MKS1: variants seen among roughly 807,000 people sequenced by gnomAD.
MKS1 encodes MKS transition zone complex subunit 1.
Under a neutral mutation model 83.7 loss-of-function variants are expected in MKS1, and 70 were observed. That is an observed-to-expected ratio of 0.84 (90% confidence interval 0.69 to 1.02). The LOEUF (loss-of-function observed/expected upper bound fraction) is 1.02, where lower values mean the gene tolerates loss of function less well. Among genes scored for constraint, MKS1 ranks in the 50% least tolerant of loss-of-function variants. The probability of loss-of-function intolerance (pLI) is 0.00; values close to 1 mark genes in which losing one functional copy is unlikely to be tolerated. For synonymous variants in MKS1, 251 were observed against 273.4 expected (o/e 0.92, Z 0.81); for missense variants, 681 against 726.9 (o/e 0.94, Z 0.73).
chr17:58,214,986 G>T (rs1014997692), intron 4 of MKS1, 148 bp from the exon 5 acceptor site: 1 of 1,291,398 alleles, frequency 7.7e-7, no homozygotes. Flanking sequence ...CTAACGGAGG[G>T]AGCAGTAGCC....
chr17:58,216,100 G>C lies in MKS1; in HGVS notation c.405C>G (p.Thr135=). 2.5e-6 allele frequency: 4 copies of C among 1,614,138 alleles called. No homozygotes were observed. The highest frequency in any genetic ancestry group is 3.4e-6 in the Non-Finnish European group (4 of 1,180,020). The change falls in exon 4 of 18, where the codon ACC becomes ACG. Residue 135 remains threonine, a synonymous_variant. Transcript: ENST00000393119. ...GAAAGAACAATACCTCCTCCAAATTGGTGTATCTATCAGAGTCAGTGTAGG... is the reference window on the plus strand; with the variant it reads ...GAAAGAACAATACCTCCTCCAAATTCGTGTATCTATCAGAGTCAGTGTAGG... ...IFTYTDSDRY[T]NLEEHCQRMT... is the part of the protein sequence containing the mutation.
At position 58,208,509 on chromosome 17, in the gene MKS1, A is replaced by G; in HGVS notation, c.1095+4T>C. 6.2e-7 allele frequency: 1 copy of G among 1,613,750 alleles called. No individual in the cohort carries two copies. The highest frequency in any genetic ancestry group is 8.5e-7 in the Non-Finnish European group (1 of 1,179,766). ...TTCCAGATACCCGCTCTCATTCTCC[A>G]TACCATTGCCAGGGACTTGGTGGTG... On this transcript the variant is annotated splice_donor_region_variant and intron_variant, in intron 12 of 17. Coordinates refer to ENST00000393119, the MANE Select transcript of MKS1 (RefSeq NM_017777.4).
chr17:58,205,942 G>T lies in MKS1; in HGVS notation c.*137C>A. ...TGCAGAAGGCTAGGCAGAGGGGCCAGCCGGGAATTTCCCAGCTTTTCTGGT... is the reference window on the plus strand; with the variant it reads ...TGCAGAAGGCTAGGCAGAGGGGCCATCCGGGAATTTCCCAGCTTTTCTGGT... On this transcript the variant is annotated 3_prime_UTR_variant, in exon 18 of 18. Transcript: ENST00000393119. The T allele has an allele frequency of 6.6e-7, 1 of 1,518,064 alleles. No individual in the cohort carries two copies. The highest frequency in any genetic ancestry group is 1.2e-5 in the South Asian group (1 of 81,046). 94.0% of individuals were successfully genotyped at this position (1,518,064 alleles called of 1,614,324 possible). A position where few individuals can be genotyped will look rare whatever the true frequency, so the allele number is the denominator to read the frequency against.
chr17:58,215,734 T>G, intron 4 of MKS1: 1 of 316,668 alleles, frequency 3.2e-6, no homozygotes, highest in East Asian at 7.2e-5. Flanking sequence ...AATCCCCTGA[T>G]GAATTTTATC....
At position 58,208,169 on chromosome 17, in the gene MKS1, C is replaced by G. The variant is rs1192776278; in HGVS notation, c.1101G>C (p.Lys367Asn). Residue 367 changes from lysine (K) to asparagine (N), a missense_variant, in exon 13 of 18, where the codon AAG becomes AAC. Coordinates refer to ENST00000393119, the MANE Select transcript of MKS1 (RefSeq NM_017777.4). ...TCTTKSLAMDKVAHFSYPFTF... is the reference protein window; with the variant it reads ...TCTTKSLAMDNVAHFSYPFTF... Reference sequence around the variant, plus strand: ...TGAATGGGTAGGAGAAGTGAGCCACCTTGTCCTATAAAAAGGAGTGTCATA... The same window carrying G: ...TGAATGGGTAGGAGAAGTGAGCCACGTTGTCCTATAAAAAGGAGTGTCATA... The G allele has an allele frequency of 6.2e-7, 1 of 1,612,186 alleles. No homozygotes were observed. Among genetic ancestry groups the G allele is most frequent in the Non-Finnish European group, 8.5e-7 (1 of 1,178,342 alleles).
At chr17:58,208,636 T>C (rs1301330511) in intron 11 of MKS1, 53 bp from the exon 12 acceptor site, 1 of 1,521,708 alleles carries the variant, frequency 6.6e-7, no homozygotes, top group Non-Finnish European at 9.1e-7. Flanking sequence ...AAGCAAGTCA[T>C]TCAGAAAAAG....
At chr17:58,210,611 G>C in intron 11 of MKS1, 48 bp downstream of exon 11, 1 of 1,545,186 alleles carries the variant, frequency 6.5e-7, no homozygotes, top group Non-Finnish European at 8.9e-7. Flanking sequence ...AATGCCTCTA[G>C]ATCTGTCTGA....
chr17:58,214,893 A>G, intron 4 of MKS1, 55 bp from the exon 5 acceptor site: 14 of 1,555,126 alleles, frequency 9.0e-6, no homozygotes, highest in Non-Finnish European at 1.2e-5. Context: ...ACATGGAGCC[A>G]AGTACCTGAA....
chr17:58,216,771 C>A, intron 2 of MKS1, 35 bp from the exon 3 acceptor site: 1 of 1,599,864 alleles, frequency 6.3e-7, no homozygotes, highest in Admixed American at 1.7e-5. Flanking sequence ...AATGCTTGAG[C>A]CAAACCAGCA....
chr17:58,209,984 G>C lies in MKS1; in HGVS notation c.1024+675C>G, dbSNP rs1205085056. Among the ~76,000 whole-genome samples, 1 of 152,198 alleles carries C rather than the reference G, an allele frequency of 6.6e-6. No individual in the cohort carries two copies. Among genetic ancestry groups the C allele is most frequent in the African/African-American group, 2.4e-5 (1 of 41,456 alleles). On this transcript the variant is annotated intron_variant, in intron 11 of 17. Coordinates refer to ENST00000393119, the MANE Select transcript of MKS1 (RefSeq NM_017777.4). The surrounding 1 kb of genome is among the most constrained non-coding windows in gnomAD (Gnocchi z 4.1). ...GAAGACAGAACGGACAGGAACTGTT[G>C]ACAGATTGGCTGGCTATAGGGAGCT...
In MKS1 at chr17:58,216,674, A is replaced by G. The variant is rs1969238311; in HGVS notation, c.253T>C (p.Phe85Leu). 1 of 1,614,202 alleles carries G rather than the reference A, an allele frequency of 6.2e-7. No homozygotes were observed. Among genetic ancestry groups the G allele is most frequent in the Non-Finnish European group, 8.5e-7 (1 of 1,180,022 alleles). Reference protein sequence around the residue: ...EIVIGWQEKLFSQFEVDLYQN... With the variant: ...EIVIGWQEKLLSQFEVDLYQN... Reference sequence around the variant, plus strand: ...AAGAGACACTGGCTCACCTGGCTAAAGAGCTTCTCCTGCCACCCAATCACA... The same window carrying G: ...AAGAGACACTGGCTCACCTGGCTAAGGAGCTTCTCCTGCCACCCAATCACA... Residue 85 changes from phenylalanine to leucine, a missense_variant, in exon 3 of 18, where the codon TTT becomes CTT. Around this residue, in one of 3 missense-constraint regions of MKS1, gnomAD observed 365 missense variants for 383.8 expected, o/e 0.95. Transcript: ENST00000393119.
chr17:58,212,489 T>A, intron 8 of MKS1, 55 bp from the exon 9 acceptor site: 1 of 1,581,668 alleles, frequency 6.3e-7, no homozygotes. Context: ...AGACCAAAGT[T>A]CAGTTCTGAA....
intron 5 of MKS1, among the ~76,000 whole-genome samples, 159 bp from the exon 6 acceptor site, chr17:58,214,546 CCT>C (rs1166251874): frequency 1.3e-5 from 2 of 152,108 alleles, no homozygotes; most frequent in African/African-American, 4.8e-5. Context: ...ACATCCCTTC[CCT>C]CTCTCTGAGG....
rs1376664664 is a variant in MKS1 at position 58,214,739 on chromosome 17, A to G, written c.515+2T>C. 26 of 1,605,202 alleles carry G rather than the reference A, an allele frequency of 1.6e-5. No homozygotes were observed. The highest frequency in any genetic ancestry group is 2.1e-5 in the Non-Finnish European group (25 of 1,179,572). On this transcript the variant is annotated splice_donor_variant, in intron 5 of 17. Transcript: ENST00000393119. LOFTEE classifies it high-confidence loss of function. ...TGTCCCCCATCCCATGCCCGCACTC[A>G]CATCCCTCGCCTGTCCTGCCGGCGA...
chr17:58,214,747 C>T lies in MKS1; in HGVS notation c.509G>A (p.Arg170Gln), dbSNP rs369388608. The change falls in exon 5 of 18, where the codon CGA becomes CAA. Residue 170 changes from arginine (R) to glutamine (Q), a missense_variant. Physicochemically the swap from Arg to Gln is conservative, Grantham distance 43. Coordinates refer to ENST00000393119, the MANE Select transcript of MKS1 (RefSeq NM_017777.4). ...ATCCCATGCCCGCACTCACATCCCT[C>T]GCCTGTCCTGCCGGCGACGCCTGAC... is the stretch of plus-strand genomic sequence containing the variant. ...ANVRRRRQDR[R>Q]GMEGGILKSR... 12 of 1,605,782 alleles carry T rather than the reference C, an allele frequency of 7.5e-6. No individual in the cohort carries two copies. Among genetic ancestry groups the T allele is most frequent in the Admixed American group, 3.3e-5 (2 of 59,990 alleles).
chr17:58,216,833 G>T, intron 2 of MKS1, 97 bp from the exon 3 acceptor site: 1 of 1,302,934 alleles, frequency 7.7e-7, no homozygotes, highest in Non-Finnish European at 1.1e-6. Context: ...TCTTATATTT[G>T]CCACAAAAAC....
rs2143737839 is a variant in MKS1, at chr17:58,206,504, C to A, written c.1451G>T (p.Gly484Val). Reference sequence around the variant, plus strand: ...ACAGTGCAAGCGGAAGGTGACAGTGCCTGTGGTCTCTGTGCGGAGTCCAAA... The same window carrying A: ...ACAGTGCAAGCGGAAGGTGACAGTGACTGTGGTCTCTGTGCGGAGTCCAAA... ...SRFGLRTETT[G>V]TVTFRLHCLQ... The change falls in exon 16 of 18, where the codon GGC (glycine) becomes GTC (valine). Residue 484 changes from glycine (G) to valine (V), a missense_variant. Coordinates refer to ENST00000393119, the MANE Select transcript of MKS1 (RefSeq NM_017777.4). 1 of 1,614,040 alleles carries A rather than the reference C, an allele frequency of 6.2e-7. No homozygotes were observed. The highest frequency in any genetic ancestry group is 8.5e-7 in the Non-Finnish European group (1 of 1,180,022).
Position 58,207,177 on chromosome 17 carries a change from G to C in MKS1, c.1315C>G (p.Leu439Val). The change falls in exon 15 of 18, where the codon CTT becomes GTT. Residue 439 changes from leucine to valine, a missense_variant. Physicochemically the swap from Leu to Val is conservative, Grantham distance 32 (BLOSUM62 1). Coordinates refer to ENST00000393119, the MANE Select transcript of MKS1 (RefSeq NM_017777.4). ...LTVSTWRPVE[L>V]GTVAELRRFF... ...CTCCTCAGCTCAGCCACCGTGCCAA[G>C]CTCCACAGGTCTCCACGTGGAGACT... The C allele has an allele frequency of 6.2e-7, 1 of 1,614,182 alleles. No individual in the cohort carries two copies. The highest frequency in any genetic ancestry group is 8.5e-7 in the Non-Finnish European group (1 of 1,180,038).
rs969375957 is a variant in MKS1 at position 58,205,878 on chromosome 17, G to A, written c.*201C>T. The A allele has an allele frequency of 7.0e-7, 1 of 1,433,878 alleles. No individual in the cohort carries two copies. The highest frequency in any genetic ancestry group is 1.4e-5 in the African/African-American group (1 of 69,710). The allele number at this position is 1,433,878 out of a possible 1,614,324, so 88.8% of individuals were successfully genotyped here. A position where few individuals can be genotyped will look rare whatever the true frequency, so the allele number is the denominator to read the frequency against. On this transcript the variant is annotated 3_prime_UTR_variant, in exon 18 of 18. Transcript: ENST00000393119. ...TGCAAATATAAAGGGGGGGCCACAGGGTCTCTGGCTTTATTTCCACAGGGT... is the reference window on the plus strand; with the variant it reads ...TGCAAATATAAAGGGGGGGCCACAGAGTCTCTGGCTTTATTTCCACAGGGT...
Sources: allele counts gnomAD v4.1 joint callset (sites outside exome capture counted in the v4.1 genomes callset), GRCh38; gene constraint gnomAD v4.1.1; regional missense constraint gnomAD v4.1.1; non-coding constraint Gnocchi (gnomAD v3.1); transcripts MANE v1.5; gene names NCBI Gene and HGNC (gene_info 2026-07-23, HGNC 2026-07-21).